Variants in LRRK2 observed in about 807,000 individuals in gnomAD.
LRRK2 encodes the protein leucine rich repeat kinase 2.
A neutral mutation model predicts 302.6 loss-of-function variants in LRRK2; 203 were observed. The ratio of observed to expected loss-of-function variants is 0.67; its 90% CI spans 0.60 to 0.75. LRRK2 has a LOEUF of 0.75. Among genes scored for constraint, LRRK2 ranks in the 30% least tolerant of loss-of-function variants. LRRK2 has a pLI of 0.00. For missense variants in LRRK2, 2,830 were observed against 2,951.0 expected, an observed-to-expected ratio of 0.96 and a Z score of 0.95; for synonymous variants, 1,066 against 1,031.9, an observed-to-expected ratio of 1.03 and a Z score of -0.63.
At position 40,225,668 on chromosome 12, in the gene LRRK2, A is replaced by G. The variant is rs567679632; in HGVS notation, c.237+28A>G. ...AAAGGCATTGTTTTCACTTCAACTCATTCTCCCTTCTGTTTGGAAGGAGAC... is the reference window on the plus strand; with the variant it reads ...AAAGGCATTGTTTTCACTTCAACTCGTTCTCCCTTCTGTTTGGAAGGAGAC... On this transcript the variant is annotated intron_variant, in intron 2 of 50. Coordinates refer to ENST00000298910, the MANE Select transcript of LRRK2 (RefSeq NM_198578.4). The G allele has an allele frequency of 1.1e-5, 18 of 1,571,774 alleles. 1 individual carries two copies. The highest frequency in any genetic ancestry group is 1.7e-4 in the Middle Eastern group (1 of 5,996).
At chr12:40,333,699 A>G (rs915265083) in intron 39 of LRRK2, among the ~76,000 whole-genome samples, 4 of 148,636 alleles carry the variant, frequency 2.7e-5, no homozygotes, top group African/African-American at 7.4e-5. Flanking sequence ...TTGCAGAGAG[A>G]TTGTTGCAGC....
At chr12:40,274,831 A>G (rs891629305) in intron 15 of LRRK2, 23 bp from the exon 16 acceptor site, 1 of 1,609,008 alleles carries the variant, frequency 6.2e-7, no homozygotes, top group African/African-American at 1.3e-5. Context: ...ATTTAAAACA[A>G]TTCTTTTTTT....
intron 4 of LRRK2, among the ~76,000 whole-genome samples, chr12:40,236,075 A>G (rs905549148): frequency 6.6e-6 from 1 of 152,164 alleles, no homozygotes; most frequent in African/African-American, 2.4e-5. Context: ...CTGGACCTAC[A>G]TCTCATATTC....
intron 39 of LRRK2, among the ~76,000 whole-genome samples, chr12:40,333,767 T>TTTGA (rs1945786243): frequency 6.6e-6 from 1 of 152,004 alleles, no homozygotes; most frequent in Non-Finnish European, 1.5e-5. Context: ...TGTGGTAATA[T>TTTGA]TTGAGATAAG....
chr12:40,293,424 G>A lies in LRRK2; in HGVS notation c.2690-121G>A, dbSNP rs11836348. The A allele has an allele frequency of 1.7e-3, 1,137 of 662,672 alleles. 17 individuals carry two copies. In the African/African-American group the frequency reaches 0.019, roughly 11 times the overall value. 41.0% of individuals were successfully genotyped at this position (662,672 alleles called of 1,614,324 possible). ...AAAGATTTTACAAAGGGAATGGACT[G>A]TGAAATTTCCATTAATAAAAATAGG... On this transcript the variant is annotated intron_variant, in intron 20 of 50. Coordinates refer to ENST00000298910, the MANE Select transcript of LRRK2 (RefSeq NM_198578.4).
chr12:40,356,687 A>G (rs1946549420), intron 46 of LRRK2, among the ~76,000 whole-genome samples: 1 of 152,184 alleles, frequency 6.6e-6, no homozygotes, highest in South Asian at 2.1e-4. Flanking sequence ...TCCTATTGCC[A>G]AAAAGCTTAT....
At chr12:40,328,511 T>G in intron 39 of LRRK2, 51 bp downstream of exon 39, 1 of 1,360,686 alleles carries the variant, frequency 7.3e-7, no homozygotes, top group South Asian at 1.3e-5. Context: ...ATTAATCTAC[T>G]GGAACTCTTA....
Position 40,303,983 on chromosome 12 carries a change from A to G in LRRK2, c.3626A>G (p.Gln1209Arg). 4 of 1,613,770 alleles carry G rather than the reference A, an allele frequency of 2.5e-6. No individual in the cohort carries two copies. The South Asian group carries it at 4.4e-5, about 18-fold the overall frequency. Reference sequence around the variant, plus strand: ...TTAGATATGAGCAGCAATGATATTCAGTACCTACCAGGTCCCGCACACTGG... The same window carrying G: ...TTAGATATGAGCAGCAATGATATTCGGTACCTACCAGGTCCCGCACACTGG... ...RSLDMSSNDIQYLPGPAHWKS... is the reference protein window; with the variant it reads ...RSLDMSSNDIRYLPGPAHWKS... The change falls in exon 27 of 51, where the codon CAG (glutamine) becomes CGG (arginine). Residue 1209 changes from glutamine to arginine, a missense_variant. Coordinates refer to ENST00000298910, the MANE Select transcript of LRRK2 (RefSeq NM_198578.4).
Position 40,295,645 on chromosome 12 carries a change from G to A in LRRK2, c.3096+1G>A, listed in dbSNP as rs1448314911. The A allele has an allele frequency of 1.9e-6, 3 of 1,612,706 alleles. No individual in the cohort carries two copies. In the Admixed American group the frequency reaches 5.0e-5, roughly 27 times the overall value. On this transcript the variant is annotated splice_donor_variant, in intron 23 of 50. Transcript: ENST00000298910. LOFTEE classifies it high-confidence loss of function. ...GAGCTTTCCACAACAGCTATGTGAA[G>A]TAAATTTAATTTATCCTTGTAACTT...
At chr12:40,310,742 A>G in intron 31 of LRRK2, 93 bp downstream of exon 31, 4 of 1,316,690 alleles carry the variant, frequency 3.0e-6, no homozygotes, top group Non-Finnish European at 4.4e-6. Context: ...CTCACTTAAA[A>G]TTGTGGGTTT....
At chr12:40,354,066 T>C (rs1206705700) in intron 44 of LRRK2, among the ~76,000 whole-genome samples, 1 of 152,200 alleles carries the variant, frequency 6.6e-6, no homozygotes, top group Non-Finnish European at 1.5e-5. Context: ...GAATGAGAAT[T>C]CACACTGAAA....
chr12:40,313,924 T>C (rs1396864738), intron 31 of LRRK2, 48 bp from the exon 32 acceptor site: 1 of 1,550,046 alleles, frequency 6.5e-7, no homozygotes, highest in South Asian at 1.1e-5. Context: ...ATTTGACAAA[T>C]ACACAAATAA....
At chr12:40,323,519 G>A (rs1945460369) in intron 38 of LRRK2, among the ~76,000 whole-genome samples, 1 of 152,086 alleles carries the variant, frequency 6.6e-6, no homozygotes, top group Admixed American at 6.5e-5. Flanking sequence ...GGATCAAGAT[G>A]AGGATGAGAT....
At chr12:40,281,026 CCACTG>C (rs1431207560) in intron 18 of LRRK2, among the ~76,000 whole-genome samples, 2 of 151,034 alleles carry the variant, frequency 1.3e-5, no homozygotes, top group African/African-American at 4.9e-5. Flanking sequence ...CTAGATCGCG[CCACTG>C]CACTGCAGCC....
At chr12:40,313,823 G>A (rs1945114457) in intron 31 of LRRK2, 149 bp from the exon 32 acceptor site, 1 of 635,194 alleles carries the variant, frequency 1.6e-6, no homozygotes, top group African/African-American at 1.8e-5. Context: ...AACCTAAATA[G>A]CTTTTTATTA....
chr12:40,238,005 A>G lies in LRRK2; in HGVS notation c.473A>G (p.Asp158Gly), dbSNP rs1436366131. Residue 158 changes from aspartate (D) to glycine (G), a missense_variant, in exon 5 of 51, where the codon GAT becomes GGT. Transcript: ENST00000298910. Reference sequence around the variant, plus strand: ...TTGCTGATATTGGATGAAGAAAGTGATATTTTCATGTTAATTTTTGATGCC... The same window carrying G: ...TTGCTGATATTGGATGAAGAAAGTGGTATTTTCATGTTAATTTTTGATGCC... ...ITLLILDEES[D>G]IFMLIFDAMH... 1.2e-6 allele frequency: 2 copies of G among 1,613,136 alleles called. No individual in the cohort carries two copies. Among genetic ancestry groups the G allele is most frequent in the Admixed American group, 1.7e-5 (1 of 60,006 alleles).
At chr12:40,363,174 A>G (rs1296217699) in intron 47 of LRRK2, among the ~76,000 whole-genome samples, 2 of 152,070 alleles carry the variant, frequency 1.3e-5, no homozygotes, top group Non-Finnish European at 2.9e-5. Flanking sequence ...TTATTTTATT[A>G]TCACAAGAAA....
intron 6 of LRRK2, among the ~76,000 whole-genome samples, chr12:40,243,106 A>C (rs1941813506): frequency 6.6e-6 from 1 of 151,838 alleles, no homozygotes; most frequent in Non-Finnish European, 1.5e-5. Context: ...TGTCAATCAC[A>C]ACACAATTAG....
chr12:40,363,053 G>T (rs748060239), intron 47 of LRRK2, among the ~76,000 whole-genome samples: 2 of 151,934 alleles, frequency 1.3e-5, no homozygotes, highest in African/African-American at 4.8e-5. Flanking sequence ...ACATTCAAAA[G>T]TTACAGATAT....
Sources: allele counts gnomAD v4.1 joint callset (sites outside exome capture counted in the v4.1 genomes callset), GRCh38; gene constraint gnomAD v4.1.1; transcripts MANE v1.5; gene names NCBI Gene and HGNC (gene_info 2026-07-23, HGNC 2026-07-21).